TRAF5: variants seen among roughly 807,000 people sequenced by gnomAD.
The protein encoded by TRAF5 is TNF receptor-associated factor 5.
TRAF5 carries 48 observed loss-of-function variants against 64.5 expected under a neutral mutation model. The ratio of observed to expected loss-of-function variants is 0.74; its 90% CI spans 0.59 to 0.95. The LOEUF is 0.95. TRAF5 is among the 40% of genes least tolerant of loss of function. TRAF5 has a pLI of 0.00. For synonymous variants in TRAF5, 206 were observed against 240.5 expected, an observed-to-expected ratio of 0.86 and a Z score of 1.33; for missense variants, 545 against 662.8, an observed-to-expected ratio of 0.82 and a Z score of 1.95.
intron 8 of TRAF5, among the ~76,000 whole-genome samples, chr1:211,366,673 A>C (rs1703365742): frequency 6.6e-6 from 1 of 152,186 alleles, no homozygotes; most frequent in Non-Finnish European, 1.5e-5. Context: ...GAGAGCTTGC[A>C]CTGAAGCAGG....
chr1:211,361,302 C>T (rs1027604565), intron 7 of TRAF5, 140 bp downstream of exon 7: 10 of 711,746 alleles, frequency 1.4e-5, no homozygotes, highest in Non-Finnish European at 2.3e-5. Context: ...TTAGAGTTCT[C>T]CAGAGAAACA....
chr1:211,334,300 A>G (rs1702234566), intron 1 of TRAF5, among the ~76,000 whole-genome samples: 1 of 152,230 alleles, frequency 6.6e-6, no homozygotes, highest in Non-Finnish European at 1.5e-5. Flanking sequence ...AGGGCTGGTC[A>G]TGTAGATACC....
intron 1 of TRAF5, among the ~76,000 whole-genome samples, chr1:211,333,836 T>C (rs1391236328): frequency 6.6e-6 from 1 of 151,976 alleles, no homozygotes; most frequent in African/African-American, 2.4e-5. Flanking sequence ...GACTTGCCTA[T>C]GCCTACCTTT....
Position 211,372,798 on chromosome 1 carries a change from A to T in TRAF5, c.*96A>T. 8.6e-7 allele frequency: 1 copy of T among 1,157,306 alleles called. No individual in the cohort carries two copies. Among genetic ancestry groups the T allele is most frequent in the Non-Finnish European group, 1.2e-6 (1 of 809,700 alleles). 71.7% of individuals were successfully genotyped at this position (1,157,306 alleles called of 1,614,324 possible). A position where few individuals can be genotyped will look rare whatever the true frequency, so the allele number is the denominator to read the frequency against. On this transcript the variant is annotated 3_prime_UTR_variant, in exon 11 of 11. Transcript: ENST00000261464. ...ATTGACCTGGATTTAGACTCAAAGC[A>T]CATTTGTATTTGCCTTTTTCCTTAA...
At chr1:211,337,282 G>A (rs2102716704) in intron 1 of TRAF5, among the ~76,000 whole-genome samples, 1 of 152,348 alleles carries the variant, frequency 6.6e-6, no homozygotes, top group South Asian at 2.1e-4. Context: ...TTCCTAAGGT[G>A]AAGGAACAAG....
chr1:211,331,135 A>G (rs1273331888), intron 1 of TRAF5, among the ~76,000 whole-genome samples: 1 of 152,170 alleles, frequency 6.6e-6, no homozygotes, highest in Non-Finnish European at 1.5e-5. Context: ...TGATCTGTCT[A>G]TTCCCAGTTC....
intron 1 of TRAF5, 149 bp from the exon 2 acceptor site, chr1:211,353,090 A>G (rs1177248000): frequency 1.3e-6 from 1 of 782,398 alleles, no homozygotes. Flanking sequence ...TAGTGGCAGG[A>G]GGTTGTCACT....
intron 4 of TRAF5, chr1:211,357,000 G>A (rs1231183834): frequency 1.3e-5 from 2 of 152,388 alleles, no homozygotes; most frequent in African/African-American, 4.8e-5. Flanking sequence ...ATTGATAGGA[G>A]AGACAAACCA....
At chr1:211,354,383 T>G (rs774257409) in intron 2 of TRAF5, 27 bp from the exon 3 acceptor site, 1 of 1,612,148 alleles carries the variant, frequency 6.2e-7, no homozygotes, top group Admixed American at 1.7e-5. Flanking sequence ...CAACTAACTC[T>G]GGCTCCATTT....
At position 211,356,443 on chromosome 1, in the gene TRAF5, C is replaced by T. The variant is rs572971798; in HGVS notation, c.353C>T (p.Ala118Val). The T allele has an allele frequency of 1.2e-6, 2 of 1,614,078 alleles. No individual in the cohort carries two copies. Among genetic ancestry groups the T allele is most frequent in the African/African-American group, 1.3e-5 (1 of 75,034 alleles). Residue 118 changes from alanine (A) to valine (V), a missense_variant, in exon 4 of 11, where the codon GCC becomes GTC. Ala to Val is a moderately conservative substitution (Grantham distance 64, BLOSUM62 0). Transcript: ENST00000261464. ...TGCAGCAATGCTCCTGGATGTAATG[C>T]CAAGGTTATTCTGGGCCGGTACCAG... ...VYCSNAPGCNAKVILGRYQDH... is the reference protein window; with the variant it reads ...VYCSNAPGCNVKVILGRYQDH...
intron 6 of TRAF5, 141 bp from the exon 7 acceptor site, chr1:211,360,947 C>T: frequency 9.9e-7 from 1 of 1,014,158 alleles, no homozygotes; most frequent in Non-Finnish European, 1.5e-6. Context: ...CTCTCTTCAA[C>T]TTTCATCATA....
chr1:211,331,881 G>C (rs1354125152), intron 1 of TRAF5, among the ~76,000 whole-genome samples: 1 of 152,162 alleles, frequency 6.6e-6, no homozygotes, highest in Non-Finnish European at 1.5e-5. Flanking sequence ...TGGGCAGGCT[G>C]GTCTCAAACT....
chr1:211,371,593 T>C (rs1029384270), intron 10 of TRAF5, 123 bp downstream of exon 10: 123 of 1,031,400 alleles, frequency 1.2e-4, no homozygotes, highest in Non-Finnish European at 1.7e-4. Flanking sequence ...CTGAATCTGC[T>C]ATTTGTGAAA....
At chr1:211,349,883 AG>A (rs755126315) in intron 1 of TRAF5, among the ~76,000 whole-genome samples, 23 of 152,340 alleles carry the variant, frequency 1.5e-4, no homozygotes, top group Non-Finnish European at 2.8e-4. Flanking sequence ...GAATCTCAGA[AG>A]GACATAGAAT....
intron 1 of TRAF5, among the ~76,000 whole-genome samples, chr1:211,329,538 A>G (rs1441246173): frequency 1.3e-5 from 2 of 152,232 alleles, no homozygotes; most frequent in Non-Finnish European, 2.9e-5. Flanking sequence ...GGGATGGGGC[A>G]GGACCTAATC....
chr1:211,329,180 G>A (rs977931578), intron 1 of TRAF5, among the ~76,000 whole-genome samples: 4 of 152,186 alleles, frequency 2.6e-5, no homozygotes, highest in East Asian at 1.9e-4. Flanking sequence ...GGCAAACTCC[G>A]GGCAAGACCC....
intron 1 of TRAF5, among the ~76,000 whole-genome samples, chr1:211,327,696 G>T (rs557510076): frequency 1.3e-5 from 2 of 152,308 alleles, no homozygotes; most frequent in South Asian, 4.1e-4. Context: ...TGCTCATTCG[G>T]CCTCCTTCTG....
At chr1:211,335,088 A>G (rs183957677) in intron 1 of TRAF5, among the ~76,000 whole-genome samples, 62 of 152,316 alleles carry the variant, frequency 4.1e-4, no homozygotes, top group Non-Finnish European at 8.5e-4. Context: ...GAAATGATAT[A>G]GTTGGTCATT....
chr1:211,326,719 C>T, upstream of TRAF5: 2 of 986,006 alleles, frequency 2.0e-6, no homozygotes, highest in Non-Finnish European at 2.4e-6. This position sits in a 1 kb window ranked among gnomAD's most constrained non-coding sequence, Gnocchi z 5.0. Flanking sequence ...CAGCCTCCTC[C>T]CGACCCCTTC....
Sources: allele counts gnomAD v4.1 joint callset (sites outside exome capture counted in the v4.1 genomes callset), GRCh38; gene constraint gnomAD v4.1.1; non-coding constraint Gnocchi (gnomAD v3.1); transcripts MANE v1.5; gene names NCBI Gene and HGNC (gene_info 2026-07-23, HGNC 2026-07-21).